The following NMT2 variants were observed in gnomAD, a reference collection of about 807,000 sequenced individuals.
NMT2 encodes N-myristoyltransferase 2.
In NMT2, 35 loss-of-function variants were observed where a neutral mutation model predicts 65.4. The observed-to-expected ratio is 0.54, with a 90% CI of 0.41 to 0.71. The LOEUF (loss-of-function observed/expected upper bound fraction) is 0.71, where lower values mean the gene tolerates loss of function less well. NMT2 is among the 30% of genes least tolerant of loss of function. NMT2 has a pLI of 0.00. For synonymous variants in NMT2, 226 were observed against 231.8 expected (o/e 0.98, Z 0.23); for missense variants, 489 against 611.3 (o/e 0.80, Z 2.11).
At chr10:15,138,803 G>GA (rs1370492171) in intron 2 of NMT2, among the ~76,000 whole-genome samples, 5 of 152,082 alleles carry the variant, frequency 3.3e-5, no homozygotes, top group African/African-American at 9.7e-5. Context: ...AAATGCAGCA[G>GA]AAAAAAGCCC....
At chr10:15,157,754 T>C (rs7096608) in intron 1 of NMT2, among the ~76,000 whole-genome samples, 17,823 of 152,230 alleles carry the variant, frequency 0.12, 1,107 homozygotes, top group Middle Eastern at 0.24. Context: ...TTAAAAAAAT[T>C]AATTCATTGA....
chr10:15,150,906 A>G (rs1170726479), intron 1 of NMT2, among the ~76,000 whole-genome samples: 1 of 152,198 alleles, frequency 6.6e-6, no homozygotes, highest in Non-Finnish European at 1.5e-5. Context: ...CTTCTAGTCC[A>G]GTTTGTTAAC....
At chr10:15,153,667 T>G (rs1275552693) in intron 1 of NMT2, among the ~76,000 whole-genome samples, 2 of 152,208 alleles carry the variant, frequency 1.3e-5, no homozygotes, top group African/African-American at 4.8e-5. Flanking sequence ...TATTTTTTTT[T>G]TGAGACAGAG....
intron 8 of NMT2, 112 bp from the exon 9 acceptor site, chr10:15,119,625 C>T: frequency 1.3e-6 from 1 of 782,848 alleles, no homozygotes; most frequent in East Asian, 2.6e-5. Flanking sequence ...CACGCGGGAG[C>T]TAGTTAGAGC....
intron 1 of NMT2, among the ~76,000 whole-genome samples, chr10:15,158,600 T>C (rs561440768): frequency 4.4e-4 from 67 of 152,334 alleles, no homozygotes; most frequent in East Asian, 1.7e-3. Context: ...ATTGCAAGGA[T>C]TGGAGACTGA....
chr10:15,153,843 C>T (rs150481630), intron 1 of NMT2, among the ~76,000 whole-genome samples: 5,516 of 151,716 alleles, frequency 0.036, 119 homozygotes, highest in African/African-American at 0.049. Context: ...TTAGTAGAGA[C>T]GGGGTTTCAC....
At chr10:15,162,311 C>T in intron 1 of NMT2, among the ~76,000 whole-genome samples, 1 of 139,674 alleles carries the variant, frequency 7.2e-6, no homozygotes, top group Non-Finnish European at 1.6e-5. Flanking sequence ...AGAATGAAAA[C>T]TAGACATATT....
intron 6 of NMT2, among the ~76,000 whole-genome samples, chr10:15,130,775 CTTCT>C (rs1160415025): frequency 1.7e-4 from 21 of 123,014 alleles, no homozygotes; most frequent in East Asian, 5.4e-4. Context: ...ATTCTATTTT[CTTCT>C]TTCTTTCTTT....
intron 1 of NMT2, among the ~76,000 whole-genome samples, chr10:15,152,009 G>C (rs957347455): frequency 1.3e-5 from 2 of 152,216 alleles, no homozygotes; most frequent in Non-Finnish European, 2.9e-5. Context: ...CTGGGTGACA[G>C]AGTAAAACTC....
chr10:15,135,274 C>G lies in NMT2; in HGVS notation c.391G>C (p.Asp131His). The stretch of plus-strand genomic sequence containing the variant: ...AAAAGAGAAAAGCAGAAAAACTTAC[C>G]TAGTTTTGGTACCGGTTGTGTGTCC... ...FWDTQPVPKL[D>H]EVITSHGAIE... The change falls in exon 3 of 12, where the codon GAT becomes CAT. Residue 131 changes from aspartate (D) to histidine (H), a missense_variant and splice_region_variant. Asp to His is a moderately conservative substitution (Grantham distance 81, BLOSUM62 -1). Transcript: ENST00000378165. 1 of 1,613,792 alleles carries G rather than the reference C, an allele frequency of 6.2e-7. No homozygotes were observed. The highest frequency in any genetic ancestry group is 8.5e-7 in the Non-Finnish European group (1 of 1,179,978).
chr10:15,150,362 A>C (rs755408229), intron 1 of NMT2, among the ~76,000 whole-genome samples: 9 of 152,216 alleles, frequency 5.9e-5, no homozygotes, highest in Non-Finnish European at 7.3e-5. Context: ...AGTTTTTGTC[A>C]GTGGTTCATT....
rs1451878306 is a variant in NMT2, at chr10:15,109,134, C to G, written c.*61G>C. The G allele has an allele frequency of 6.3e-7, 1 of 1,588,490 alleles. No homozygotes were observed. Among genetic ancestry groups the G allele is most frequent in the South Asian group, 1.2e-5 (1 of 86,268 alleles). On this transcript the variant is annotated 3_prime_UTR_variant, in exon 12 of 12. Transcript: ENST00000378165. The stretch of plus-strand genomic sequence containing the variant: ...TTTATTCTTCTTTGGAATGGCAGTT[C>G]CAGAAATCATTAAATATTAACAAAT...
intron 9 of NMT2, 65 bp from the exon 10 acceptor site, chr10:15,113,028 AACTC>A (rs1845618013): frequency 6.8e-7 from 1 of 1,473,704 alleles, no homozygotes; most frequent in Admixed American, 1.8e-5. Context: ...CATTTCCACT[AACTC>A]TGTTCTCTCC....
chr10:15,157,129 A>G (rs933827007), intron 1 of NMT2, among the ~76,000 whole-genome samples: 1 of 152,210 alleles, frequency 6.6e-6, no homozygotes, highest in Non-Finnish European at 1.5e-5. Context: ...CTGGGAAGGT[A>G]CTATATGAGC....
rs1473534615 is a variant in NMT2, at chr10:15,112,798, A to C, written c.1336T>G (p.Ser446Ala). The C allele has an allele frequency of 6.2e-7, 1 of 1,610,064 alleles. No homozygotes were observed. The highest frequency in any genetic ancestry group is 1.7e-5 in the Admixed American group (1 of 58,874). The change falls in exon 10 of 12, where the codon TCG becomes GCG. Residue 446 changes from serine to alanine, a missense_variant and splice_region_variant. Coordinates refer to ENST00000378165, the MANE Select transcript of NMT2 (RefSeq NM_004808.3). The part of the protein sequence containing the change: ...LMSDALILAK[S>A]KGFDVFNALD... ...GTGAACAGGAAGGAGTGGCTTACCG[A>C]TTTAGCCAGGATGAGCGCGTCGCTC...
In NMT2 at chr10:15,107,900, G is replaced by A. The variant is rs1056409088; in HGVS notation, c.*1295C>T. ...AAATTCTAGATTAAAAACACCATCA[G>A]TAACAAAATTATGAATACTTATTTA... On this transcript the variant is annotated 3_prime_UTR_variant, in exon 12 of 12. Coordinates refer to ENST00000378165, the MANE Select transcript of NMT2 (RefSeq NM_004808.3). 6.5e-5 allele frequency: 64 copies of A among 985,418 alleles called. No individual in the cohort carries two copies. The African/African-American group carries it at 9.2e-4, about 14-fold the overall frequency. The allele number at this position is 985,418 out of a possible 1,614,324, so 61.0% of individuals were successfully genotyped here.
At chr10:15,131,947 T>G (rs2056653332) in intron 6 of NMT2, among the ~76,000 whole-genome samples, 1 of 151,986 alleles carries the variant, frequency 6.6e-6, no homozygotes, top group South Asian at 2.1e-4. Flanking sequence ...CTCACTGCAA[T>G]CTCTTCCTCC....
chr10:15,120,208 A>C (rs920943607), intron 8 of NMT2, among the ~76,000 whole-genome samples: 1 of 152,244 alleles, frequency 6.6e-6, no homozygotes, highest in African/African-American at 2.4e-5. Flanking sequence ...CTGTAATCCC[A>C]GCACTTTGGG....
In NMT2 at chr10:15,108,188, CTT is replaced by C. The variant is rs1201948522; in HGVS notation, c.*1005_*1006del. The C allele has an allele frequency of 1.5e-3, 1,338 of 882,174 alleles. No individual in the cohort carries two copies. The highest frequency in any genetic ancestry group is 1.6e-3 in the Non-Finnish European group (1,224 of 742,482). The allele number at this position is 882,174 out of a possible 1,614,324, so 54.6% of individuals were successfully genotyped here. On this transcript the variant is annotated 3_prime_UTR_variant, in exon 12 of 12. Transcript: ENST00000378165. ...AGTTAGTCGCGGGTACAGGCTCTTT[CTT>C]TTTTTTTTTTTTTGAGACGGAGTCT... is the stretch of plus-strand genomic sequence containing the variant.
Sources: gnomAD v4.1 joint callset for allele counts (sites outside exome capture counted in the v4.1 genomes callset) on GRCh38, gnomAD v4.1.1 for gene constraint, MANE v1.5 for transcripts, NCBI Gene and HGNC (gene_info 2026-07-23, HGNC 2026-07-21) for gene names.